ERBB3: variants seen among roughly 807,000 people sequenced by gnomAD.
The protein encoded by ERBB3 is receptor tyrosine-protein kinase erbB-3.
ERBB3 carries 96 observed loss-of-function variants against 156.7 expected under a neutral mutation model. The ratio of observed to expected loss-of-function variants is 0.61; its 90% CI spans 0.52 to 0.73. ERBB3 has a LOEUF of 0.73. Ranked by LOEUF, ERBB3 falls within the 30% of genes least tolerant of loss-of-function variation. The pLI, the probability that ERBB3 is intolerant of heterozygous loss-of-function variation, is 0.00. For synonymous variants in ERBB3, 567 were observed against 632.0 expected (o/e 0.90, Z 1.54); for missense variants, 1,406 against 1,709.4 (o/e 0.82, Z 3.13).
In ERBB3 at chr12:56,102,213, C is replaced by T. The variant is rs977299903; in HGVS notation, c.*158C>T. On this transcript the variant is annotated 3_prime_UTR_variant, in exon 28 of 28. Coordinates refer to ENST00000267101, the MANE Select transcript of ERBB3 (RefSeq NM_001982.4). ...CTTTGGAGGCTTTTAAACATTTTGA[C>T]ACAAAATTCTTATGGTATGTAGCCA... The T allele has an allele frequency of 2.8e-6, 2 of 705,172 alleles. No homozygotes were observed. The highest frequency in any genetic ancestry group is 4.9e-6 in the Non-Finnish European group (2 of 411,588). 43.7% of individuals were successfully genotyped at this position (705,172 alleles called of 1,614,324 possible). A position where few individuals can be genotyped will look rare whatever the true frequency, so the allele number is the denominator to read the frequency against.
chr12:56,097,221 A>C lies in ERBB3; in HGVS notation c.2451A>C (p.Gln817His). The change falls in exon 20 of 28, where the codon CAA (glutamine) becomes CAC (histidine). Residue 817 changes from glutamine (Q) to histidine (H), a missense_variant. Physicochemically the swap from Gln to His is conservative, Grantham distance 24. This residue lies in a region of ERBB3 where 979 missense variants were observed against 1,219.6 expected (regional missense o/e 0.80). Transcript: ENST00000267101. ...AGCTGCTGCTCAACTGGGGAGTACA[A>C]ATTGCCAAGGTGAGAGAAGCCTGGA... ...GPQLLLNWGV[Q>H]IAKGMYYLEE... 1 of 1,614,066 alleles carries C rather than the reference A, an allele frequency of 6.2e-7. No homozygotes were observed. Among genetic ancestry groups the C allele is most frequent in the Non-Finnish European group, 8.5e-7 (1 of 1,179,966 alleles).
chr12:56,093,815 G>C lies in ERBB3; in HGVS notation c.1532G>C (p.Gly511Ala). Residue 511 changes from glycine to alanine, a missense_variant, in exon 13 of 28, where the codon GGC becomes GCC. Gly to Ala is a moderately conservative substitution (Grantham distance 60). Around this residue, in one of 3 missense-constraint regions of ERBB3, gnomAD observed 979 missense variants for 1,219.6 expected, o/e 0.80. Coordinates refer to ENST00000267101, the MANE Select transcript of ERBB3 (RefSeq NM_001982.4). ...CTGTGCTCCTCTGGGGGATGCTGGGGCCCAGGCCCTGGTCAGTGCTTGTCC... is the reference window on the plus strand; with the variant it reads ...CTGTGCTCCTCTGGGGGATGCTGGGCCCCAGGCCCTGGTCAGTGCTTGTCC... Reference protein sequence around the residue: ...DPLCSSGGCWGPGPGQCLSCR... With the variant: ...DPLCSSGGCWAPGPGQCLSCR... The C allele has an allele frequency of 1.2e-6, 2 of 1,613,994 alleles. No homozygotes were observed. The highest frequency in any genetic ancestry group is 2.2e-5 in the South Asian group (2 of 91,068).
At chr12:56,082,954 G>A (rs1196587385) in intron 1 of ERBB3, among the ~76,000 whole-genome samples, 1 of 152,350 alleles carries the variant, frequency 6.6e-6, no homozygotes, top group East Asian at 1.9e-4. Context: ...AAGTGATGCT[G>A]AGGTTGCTAG....
chr12:56,086,758 T>C lies in ERBB3; in HGVS notation c.547+102T>C. 5 of 1,416,728 alleles carry C rather than the reference T, an allele frequency of 3.5e-6. No individual in the cohort carries two copies. The South Asian group carries it at 5.8e-5, about 16-fold the overall frequency. The allele number at this position is 1,416,728 out of a possible 1,614,324, so 87.8% of individuals were successfully genotyped here. ...TCCTGATCTGAACCCGCCTCCCCAG[T>C]GAACAAACACCTCAGGTCCCTGACT... On this transcript the variant is annotated intron_variant, in intron 4 of 27. Transcript: ENST00000267101.
intron 16 of ERBB3, 131 bp from the exon 17 acceptor site, chr12:56,095,534 T>A: frequency 8.5e-7 from 1 of 1,169,628 alleles, no homozygotes; most frequent in Non-Finnish European, 1.3e-6. Flanking sequence ...GTCCCTTCAG[T>A]GCTTAAGGAT....
At chr12:56,089,796 G>A (rs1289396662) in intron 9 of ERBB3, among the ~76,000 whole-genome samples, 1 of 151,360 alleles carries the variant, frequency 6.6e-6, no homozygotes, top group Non-Finnish European at 1.5e-5. Context: ...ACTTTTAGCT[G>A]TTTTCACTCA....
Position 56,093,779 on chromosome 12 carries a change from T to C in ERBB3, c.1496T>C (p.Val499Ala), listed in dbSNP as rs1254894215. 2 of 1,613,930 alleles carry C rather than the reference T, an allele frequency of 1.2e-6. No individual in the cohort carries two copies. Among genetic ancestry groups the C allele is most frequent in the Non-Finnish European group, 1.7e-6 (2 of 1,180,008 alleles). Reference sequence around the variant, plus strand: ...TCCTTTCCAGTGGCAGAGGGCAAAGTGTGTGACCCACTGTGCTCCTCTGGG... The same window carrying C: ...TCCTTTCCAGTGGCAGAGGGCAAAGCGTGTGACCCACTGTGCTCCTCTGGG... ...PRRDCVAEGK[V>A]CDPLCSSGGC... is the part of the protein sequence containing the mutation. The change falls in exon 13 of 28, where the codon GTG becomes GCG. Residue 499 changes from valine (V) to alanine (A), a missense_variant. This residue lies in a region of ERBB3 where 979 missense variants were observed against 1,219.6 expected (regional missense o/e 0.80). Coordinates refer to ENST00000267101, the MANE Select transcript of ERBB3 (RefSeq NM_001982.4).
chr12:56,093,426 G>T lies in ERBB3; in HGVS notation c.1356G>T (p.Gly452=). The T allele has an allele frequency of 6.2e-7, 1 of 1,614,020 alleles. No individual in the cohort carries two copies. The highest frequency in any genetic ancestry group is 8.5e-7 in the Non-Finnish European group (1 of 1,179,994). The change falls in exon 12 of 28, where the codon GGG becomes GGT. Residue 452 remains glycine (G), a synonymous_variant. Coordinates refer to ENST00000267101, the MANE Select transcript of ERBB3 (RefSeq NM_001982.4). The part of the protein sequence containing the change: ...GFRSLKEISA[G]RIYISANRQL... ...GATCCCTGAAGGAAATTAGTGCTGG[G>T]CGTATCTATATAAGTGCCAATAGGC... is the stretch of plus-strand genomic sequence containing the variant.
chr12:56,085,561 A>C, intron 3 of ERBB3: 1 of 570,050 alleles, frequency 1.8e-6, no homozygotes, highest in Non-Finnish European at 2.6e-6. Context: ...CCTGGCCAAC[A>C]TGGCGAAACC....
intron 9 of ERBB3, among the ~76,000 whole-genome samples, chr12:56,090,998 TTTTG>T (rs1868661569): frequency 6.6e-6 from 1 of 151,774 alleles, no homozygotes; most frequent in Admixed American, 6.6e-5. Flanking sequence ...GCTCCTCAGG[TTTTG>T]TTTATCTTTC....
intron 11 of ERBB3, 131 bp from the exon 12 acceptor site, chr12:56,093,214 G>T: frequency 8.7e-7 from 1 of 1,155,136 alleles, no homozygotes; most frequent in Non-Finnish European, 1.3e-6. Flanking sequence ...ACGAGGAAAA[G>T]GCAAAAGGAG....
rs2136793187 is a variant in ERBB3, at chr12:56,087,633, T to A, written c.604T>A (p.Cys202Ser). 6.2e-7 allele frequency: 1 copy of A among 1,614,126 alleles called. No homozygotes were observed. The highest frequency in any genetic ancestry group is 8.5e-7 in the Non-Finnish European group (1 of 1,179,972). The change falls in exon 5 of 28, where the codon TGC becomes AGC. Residue 202 changes from cysteine to serine, a missense_variant. Transcript: ENST00000267101. ...GRCWGPGSEDCQTLTKTICAP... is the reference protein window; with the variant it reads ...GRCWGPGSEDSQTLTKTICAP... ...ATGCTGGGGTCCTGGATCAGAAGAC[T>A]GCCAGACATGTGGGTTTGAAATTCC...
In ERBB3 at chr12:56,088,652, C is replaced by T. The variant is rs1868565782; in HGVS notation, c.984C>T (p.Pro328=). 1 of 1,613,900 alleles carries T rather than the reference C, an allele frequency of 6.2e-7. No individual in the cohort carries two copies. Among genetic ancestry groups the T allele is most frequent in the Non-Finnish European group, 8.5e-7 (1 of 1,179,860 alleles). The change falls in exon 8 of 28, where the codon CCC becomes CCT. Residue 328 remains proline, a synonymous_variant. Transcript: ENST00000267101. ...KMCEPCGGLC[P]KACEGTGSGS... is the part of the protein sequence containing the mutation. Reference sequence around the variant, plus strand: ...GTGAGCCTTGTGGGGGACTATGTCCCAAAGGTGGGTAGGAGATGGTAAGAA... The same window carrying T: ...GTGAGCCTTGTGGGGGACTATGTCCTAAAGGTGGGTAGGAGATGGTAAGAA...
At position 56,101,685 on chromosome 12, in the gene ERBB3, T is replaced by C; in HGVS notation, c.3659T>C (p.Leu1220Pro). Residue 1220 changes from leucine (L) to proline (P), a missense_variant, in exon 28 of 28, where the codon CTG becomes CCG. Coordinates refer to ENST00000267101, the MANE Select transcript of ERBB3 (RefSeq NM_001982.4). ...HPPRPSSLEE[L>P]GYEYMDVGSD... ...CCTAGGCCAAGTTCCCTTGAGGAGC[T>C]GGGTTATGAGTACATGGATGTGGGG... The C allele has an allele frequency of 6.2e-7, 1 of 1,614,006 alleles. No individual in the cohort carries two copies. The highest frequency in any genetic ancestry group is 8.5e-7 in the Non-Finnish European group (1 of 1,180,002).
intron 5 of ERBB3, 54 bp downstream of exon 5, chr12:56,087,696 C>A: frequency 3.8e-6 from 6 of 1,598,700 alleles, no homozygotes; most frequent in Non-Finnish European, 5.1e-6. Context: ...ATATCCCTTC[C>A]TCCCCAAGCC....
intron 23 of ERBB3, among the ~76,000 whole-genome samples, chr12:56,099,226 G>A (rs1253398189): frequency 1.3e-5 from 2 of 151,542 alleles, no homozygotes; most frequent in Non-Finnish European, 2.9e-5. Context: ...AAAGTGCTGG[G>A]ATTACAGGTG....
At position 56,088,803 on chromosome 12, in the gene ERBB3, T is replaced by A. The variant is rs1200893484; in HGVS notation, c.1044T>A (p.Ile348=). The change falls in exon 9 of 28, where the codon ATT becomes ATA. Residue 348 remains isoleucine (I), a synonymous_variant. Transcript: ENST00000267101. The stretch of plus-strand genomic sequence containing the variant: ...TCCAGACTGTGGACTCGAGCAACAT[T>A]GATGGATTTGTGAACTGCACCAAGA... ...SRFQTVDSSN[I]DGFVNCTKIL... is the part of the protein sequence containing the mutation. The A allele has an allele frequency of 6.2e-7, 1 of 1,614,134 alleles. No individual in the cohort carries two copies. The highest frequency in any genetic ancestry group is 8.5e-7 in the Non-Finnish European group (1 of 1,180,022).
chr12:56,092,389 CAAAAAAAAA>C (rs60865127), intron 9 of ERBB3, among the ~76,000 whole-genome samples: 7 of 42,846 alleles, frequency 1.6e-4, no homozygotes, highest in African/African-American at 6.5e-4. Flanking sequence ...GACTCTGTCT[CAAAAAAAAA>C]AAAAAAAAAA....
Position 56,089,155 on chromosome 12 carries a change from A to G in ERBB3, c.1109+287A>G, listed in dbSNP as rs1363844051. ...TTTTTATTCTTTTTTCTTTTTTGAG[A>G]TAGGGTCTTGCTCTGTCACCTAGGC... On this transcript the variant is annotated intron_variant, in intron 9 of 27. Transcript: ENST00000267101. The G allele has an allele frequency of 6.1e-6, 3 of 490,208 alleles. No homozygotes were observed. The East Asian group carries it at 1.6e-4, about 27-fold the overall frequency. The allele number at this position is 490,208 out of a possible 1,614,324, so 30.4% of individuals were successfully genotyped here. A position where few individuals can be genotyped will look rare whatever the true frequency, so the allele number is the denominator to read the frequency against.
Sources: gnomAD v4.1 joint callset for allele counts (sites outside exome capture counted in the v4.1 genomes callset) on GRCh38, gnomAD v4.1.1 for gene constraint, gnomAD v4.1.1 regional missense constraint, MANE v1.5 for transcripts, NCBI Gene and HGNC (gene_info 2026-07-23, HGNC 2026-07-21) for gene names.